The following BIRC7 variants were observed in gnomAD, a reference collection of about 807,000 sequenced individuals.
The protein encoded by BIRC7 is baculoviral IAP repeat containing 7.
In BIRC7, 26 loss-of-function variants were observed where a neutral mutation model predicts 33.2. The ratio of observed to expected loss-of-function variants is 0.78; its 90% CI spans 0.57 to 1.09. The LOEUF is 1.09. Ranked by LOEUF, BIRC7 falls within the 50% of genes least tolerant of loss-of-function variation. The pLI, the probability that BIRC7 is intolerant of heterozygous loss-of-function variation, is 0.00. For synonymous variants in BIRC7, 176 were observed against 171.0 expected, an observed-to-expected ratio of 1.03 and a Z score of -0.23; for missense variants, 409 against 401.2, an observed-to-expected ratio of 1.02 and a Z score of -0.17.
At chr20:63,238,078 C>T in intron 2 of BIRC7, 76 bp downstream of exon 2, 1 of 1,329,948 alleles carries the variant, frequency 7.5e-7, no homozygotes, top group Non-Finnish European at 1.0e-6. Context: ...GTCGACCCAA[C>T]ACCAGGCCTG....
At chr20:63,239,662 A>G (rs2123031509) in intron 6 of BIRC7, 52 bp downstream of exon 6, 2 of 1,536,396 alleles carry the variant, frequency 1.3e-6, no homozygotes, top group Admixed American at 1.8e-5. Flanking sequence ...GGGGGCCCTG[A>G]GCCGGCTGTG....
chr20:63,237,808 C>A, intron 1 of BIRC7, 95 bp from the exon 2 acceptor site: 1 of 1,103,712 alleles, frequency 9.1e-7, no homozygotes, highest in East Asian at 2.9e-5. Flanking sequence ...TGGGAGCTCC[C>A]CTCCAGCTGA....
rs1450773981 is a variant in BIRC7 at position 63,239,457 on chromosome 20, G to A, written c.749G>A (p.Arg250Lys). Residue 250 changes from arginine to lysine, a missense_variant, in exon 6 of 7, where the codon AGG becomes AAG. Arg to Lys is a conservative substitution (Grantham distance 26, BLOSUM62 2). Coordinates refer to ENST00000217169, the MANE Select transcript of BIRC7 (RefSeq NM_139317.3). ...CAGCTGCGGCGGCTGCAGGAGGAGA[G>A]GACGTGCAAGGTGTGCCTGGACCGC... ...EAQLRRLQEE[R>K]TCKVCLDRAV... The A allele has an allele frequency of 2.5e-6, 4 of 1,606,818 alleles. No individual in the cohort carries two copies. The African/African-American group carries it at 4.0e-5, about 16-fold the overall frequency.
In BIRC7 at chr20:63,236,191, C is replaced by T. The variant is rs776406375; in HGVS notation, c.95C>T (p.Pro32Leu). 6.3e-7 allele frequency: 1 copy of T among 1,589,550 alleles called. No homozygotes were observed. ...GDGPTQERCG[P>L]RSLGSPVLGL... ...GGTCCCACGCAGGAGCGCTGTGGAC[C>T]CCGCTCTCTGGGCAGCCCTGTCCTA... is the stretch of plus-strand genomic sequence containing the variant. The change falls in exon 1 of 7, where the codon CCC becomes CTC. Residue 32 changes from proline (P) to leucine (L), a missense_variant. Transcript: ENST00000217169.
chr20:63,237,442 C>T (rs6010877), intron 1 of BIRC7, among the ~76,000 whole-genome samples: 3,174 of 152,226 alleles, frequency 0.021, 109 homozygotes, highest in African/African-American at 0.073. Context: ...ATGACGGGTC[C>T]CCCACCCCCA....
intron 1 of BIRC7, among the ~76,000 whole-genome samples, chr20:63,237,252 C>G (rs1167401269): frequency 1.3e-5 from 2 of 152,230 alleles, no homozygotes; most frequent in African/African-American, 4.8e-5. Context: ...TCACCCACCT[C>G]CCTGGAAGTC....
At position 63,239,593 on chromosome 20, in the gene BIRC7, C is replaced by CT; in HGVS notation, c.887dup (p.Leu297ProfsTer43). ...CCCCCGTCCGCAGCCGCGTGCGCAC[C>CT]TTCCTGTCCTAGGCCAGGTGAGCGC... is the stretch of plus-strand genomic sequence containing the variant. On this transcript the variant is annotated frameshift_variant, in exon 6 of 7. Transcript: ENST00000217169. LOFTEE classifies it low-confidence loss of function (END_TRUNC). 1 of 1,596,908 alleles carries CT rather than the reference C, an allele frequency of 6.3e-7. No homozygotes were observed. The highest frequency in any genetic ancestry group is 8.5e-7 in the Non-Finnish European group (1 of 1,178,476).
chr20:63,236,374 C>T lies in BIRC7; in HGVS notation c.278C>T (p.Ser93Phe). The change falls in exon 1 of 7, where the codon TCC (serine) becomes TTC (phenylalanine). Residue 93 changes from serine to phenylalanine, a missense_variant. Transcript: ENST00000217169. ...GMGSEELRLASFYDWPLTAEV... is the reference protein window; with the variant it reads ...GMGSEELRLAFFYDWPLTAEV... ...GGCTCTGAGGAGTTGCGTCTGGCCT[C>T]CTTCTATGACTGGCCGCTGACTGCT... 3 of 1,580,396 alleles carry T rather than the reference C, an allele frequency of 1.9e-6. No homozygotes were observed. The highest frequency in any genetic ancestry group is 2.6e-6 in the Non-Finnish European group (3 of 1,160,102).
chr20:63,238,168 C>T (rs1169044683), intron 2 of BIRC7, 166 bp downstream of exon 2: 3 of 848,390 alleles, frequency 3.5e-6, no homozygotes, highest in African/African-American at 3.5e-5. Context: ...CCCACTTTTC[C>T]TGTGAGGGCC....
In BIRC7 at chr20:63,238,711, G is replaced by A. The variant is rs915872384; in HGVS notation, c.577+97G>A. 3.2e-5 allele frequency: 48 copies of A among 1,500,170 alleles called. No individual in the cohort carries two copies. The Middle Eastern group carries it at 1.4e-3, about 43-fold the overall frequency. 92.9% of individuals were successfully genotyped at this position (1,500,170 alleles called of 1,614,324 possible). The stretch of plus-strand genomic sequence containing the variant: ...TCCCCACCCTCCCAGACAGCAGGGA[G>A]AGTGACGGGCACGTGACAGGGTGTG... On this transcript the variant is annotated intron_variant, in intron 4 of 6. Transcript: ENST00000217169.
At chr20:63,236,508 C>T in intron 1 of BIRC7, 63 bp downstream of exon 1, 4 of 1,481,586 alleles carry the variant, frequency 2.7e-6, no homozygotes, top group Non-Finnish European at 3.6e-6. Flanking sequence ...ACCCTTCCAG[C>T]CCAGGGCTCT....
chr20:63,237,786 C>CATAA, intron 1 of BIRC7, 117 bp from the exon 2 acceptor site: 1 of 844,774 alleles, frequency 1.2e-6, no homozygotes, highest in Non-Finnish European at 1.8e-6. Flanking sequence ...CCCCCTCCTC[C>CATAA]TTCTTGCCAC....
intron 1 of BIRC7, 60 bp from the exon 2 acceptor site, chr20:63,237,843 C>A: frequency 8.9e-6 from 13 of 1,459,906 alleles, no homozygotes; most frequent in Non-Finnish European, 1.2e-5. Flanking sequence ...TGGAAGGACA[C>A]ACCGGGGGCC....
rs148392338 is a variant in BIRC7, at chr20:63,239,576, C to T, written c.868C>T (p.Arg290Cys). ...GTGCCCCATCTGCAGAGCCCCCGTC[C>T]GCAGCCGCGTGCGCACCTTCCTGTC... ...QLCPICRAPV[R>C]SRVRTFLS The change falls in exon 6 of 7, where the codon CGC becomes TGC. Residue 290 changes from arginine to cysteine, a missense_variant. By Grantham distance (180) the Arg-to-Cys change is radical (BLOSUM62 -3). Coordinates refer to ENST00000217169, the MANE Select transcript of BIRC7 (RefSeq NM_139317.3). 32 of 1,599,922 alleles carry T rather than the reference C, an allele frequency of 2.0e-5. No individual in the cohort carries two copies. The highest frequency in any genetic ancestry group is 8.8e-5 in the South Asian group (8 of 90,876).
At chr20:63,237,781 T>G in intron 1 of BIRC7, 122 bp from the exon 2 acceptor site, 2 of 429,538 alleles carry the variant, frequency 4.7e-6, no homozygotes, top group Non-Finnish European at 8.3e-6. Context: ...GCCCACCCCC[T>G]CCTCCTTCTT....
rs1017497812 is a variant in BIRC7 at position 63,240,465 on chromosome 20, A to G, written c.*215A>G. ...ACTGTACCTGTTTGGATGCTTCTGA[A>G]TAGAAATAAAGTGGGTTTTCCCTGG... On this transcript the variant is annotated 3_prime_UTR_variant, in exon 7 of 7. Transcript: ENST00000217169. The G allele has an allele frequency of 1.3e-5, 2 of 152,294 alleles. No homozygotes were observed. The highest frequency in any genetic ancestry group is 4.8e-5 in the African/African-American group (2 of 41,442). The allele number at this position is 152,294 out of a possible 1,614,324, so 9.4% of individuals were successfully genotyped here. A position where few individuals can be genotyped will look rare whatever the true frequency, so the allele number is the denominator to read the frequency against.
rs2066729302 is a variant in BIRC7 at position 63,240,398 on chromosome 20, G to C, written c.*148G>C. On this transcript the variant is annotated 3_prime_UTR_variant, in exon 7 of 7. Coordinates refer to ENST00000217169, the MANE Select transcript of BIRC7 (RefSeq NM_139317.3). ...GCCCTGATTCCCCGACCACCGCCCA[G>C]GGTGGAGAAGGAGGCCCTTGCTTGG... 6.5e-6 allele frequency: 1 copy of C among 152,814 alleles called. No individual in the cohort carries two copies. The highest frequency in any genetic ancestry group is 6.5e-5 in the Admixed American group (1 of 15,288). The allele number at this position is 152,814 out of a possible 1,614,324, so 9.5% of individuals were successfully genotyped here. A position where few individuals can be genotyped will look rare whatever the true frequency, so the allele number is the denominator to read the frequency against.
At chr20:63,239,129 G>A (rs757101259) in intron 4 of BIRC7, 33 bp from the exon 5 acceptor site, 1 of 1,602,622 alleles carries the variant, frequency 6.2e-7, no homozygotes, top group South Asian at 1.1e-5. Context: ...CTCCTTGGGA[G>A]TTAGGCCTCA....
chr20:63,238,218 C>T, intron 2 of BIRC7, 178 bp from the exon 3 acceptor site: 1 of 887,852 alleles, frequency 1.1e-6, no homozygotes, highest in East Asian at 2.6e-5. Context: ...ATGCCTCTCC[C>T]ATGGGACTAC....
Sources: allele counts gnomAD v4.1 joint callset (sites outside exome capture counted in the v4.1 genomes callset), GRCh38; gene constraint gnomAD v4.1.1; transcripts MANE v1.5; gene names NCBI Gene and HGNC (gene_info 2026-07-23, HGNC 2026-07-21).